Variants in MTA3 observed in about 807,000 individuals in gnomAD.
MTA3 encodes the protein metastasis-associated protein MTA3.
MTA3 carries 34 observed loss-of-function variants against 83.5 expected under a neutral mutation model. The observed-to-expected ratio is 0.41, with a 90% CI of 0.31 to 0.54. The LOEUF (loss-of-function observed/expected upper bound fraction) is 0.54. Among genes scored for constraint, MTA3 ranks in the 20% least tolerant of loss-of-function variants. The probability of loss-of-function intolerance (pLI) is 0.33; values close to 1 mark genes in which losing one functional copy is unlikely to be tolerated. For synonymous variants in MTA3, 303 were observed against 252.7 expected (o/e 1.20, Z -1.89); for missense variants, 761 against 726.4 (o/e 1.05, Z -0.55).
chr2:42,604,709 T>C (rs1486163056), intron 3 of MTA3, among the ~76,000 whole-genome samples: 1 of 142,342 alleles, frequency 7.0e-6, no homozygotes, highest in Non-Finnish European at 1.5e-5. Context: ...TCTCTGGTTT[T>C]CCTAGGCAGA....
At chr2:42,589,827 C>T (rs1680759553) in intron 3 of MTA3, among the ~76,000 whole-genome samples, 1 of 152,194 alleles carries the variant, frequency 6.6e-6, no homozygotes. Context: ...TTAGAGGCTT[C>T]TCAGAGACCT....
At chr2:42,510,594 T>C (rs9808148) in intron 2 of MTA3, among the ~76,000 whole-genome samples, 70,803 of 152,068 alleles carry the variant, frequency 0.47, 17,031 homozygotes, top group African/African-American at 0.57. Context: ...GACACTGTCA[T>C]GAAACAAAAG....
chr2:42,701,770 G>C lies in MTA3; in HGVS notation c.1026-2424G>C, dbSNP rs1665581637. Among the ~76,000 whole-genome samples the C allele has an allele frequency of 2.6e-5, 4 of 150,996 alleles. No homozygotes were observed. In the Admixed American group the frequency reaches 2.7e-4, roughly 10 times the overall value. On this transcript the variant is annotated intron_variant, in intron 11 of 16. Transcript: ENST00000405094. Reference sequence around the variant, plus strand: ...GTCTCTACTAAAAATACAAAAATTAGCTGGGTATGGTGGCGGGAGCCTGTA... The same window carrying C: ...GTCTCTACTAAAAATACAAAAATTACCTGGGTATGGTGGCGGGAGCCTGTA...
At chr2:42,695,909 TTTGG>T in intron 10 of MTA3, 70 bp downstream of exon 10, 1 of 1,052,250 alleles carries the variant, frequency 9.5e-7, no homozygotes, top group South Asian at 1.6e-5. Flanking sequence ...TTTAATATTT[TTTGG>T]CGATGTACTA....
At chr2:42,499,617 C>T (rs1208629279) in intron 2 of MTA3, among the ~76,000 whole-genome samples, 1 of 150,910 alleles carries the variant, frequency 6.6e-6, no homozygotes, top group African/African-American at 2.4e-5. Context: ...TGGAGAAACC[C>T]CGTCTCTACT....
At chr2:42,641,867 A>T (rs1225422918) in intron 5 of MTA3, among the ~76,000 whole-genome samples, 2 of 145,198 alleles carry the variant, frequency 1.4e-5, no homozygotes, top group African/African-American at 5.0e-5. Flanking sequence ...ACCTTGTCTT[A>T]AAAAAAAAAA....
rs386390061 is a variant in MTA3, at chr2:42,517,864, C to CAA, written c.-141+22626_-141+22627dup. Among the ~76,000 whole-genome samples the CAA allele has an allele frequency of 2.2e-3, 208 of 95,258 alleles. 3 individuals are homozygous for CAA. Among genetic ancestry groups the CAA allele is most frequent in the African/African-American group, 4.5e-3 (114 of 25,104 alleles). The allele number at this position is 95,258 out of a possible 152,430, so 62.5% of individuals were successfully genotyped here. A position where few individuals can be genotyped will look rare whatever the true frequency, so the allele number is the denominator to read the frequency against. On this transcript the variant is annotated intron_variant, in intron 2 of 17. Transcript: ENST00000405592. ...ACTGCACTCCAGTGAGACTCTGTCT[C>CAA]AAAAAAAAAAAAAAAAAGAAGAAAA...
chr2:42,529,833 G>A (rs987269556), intron 2 of MTA3, among the ~76,000 whole-genome samples: 4 of 152,122 alleles, frequency 2.6e-5, no homozygotes, highest in Non-Finnish European at 5.9e-5. Flanking sequence ...AAGGTTTAAC[G>A]GCACTCCATA....
chr2:42,647,048 C>T (rs1289496852), intron 6 of MTA3, among the ~76,000 whole-genome samples: 5 of 147,284 alleles, frequency 3.4e-5, no homozygotes, highest in Admixed American at 1.4e-4. Flanking sequence ...CCCAGCTACT[C>T]GGGAGGCTGA....
chr2:42,579,183 T>C lies in MTA3; in HGVS notation c.173T>C (p.Leu58Pro). 1 of 1,598,896 alleles carries C rather than the reference T, an allele frequency of 6.3e-7. No individual in the cohort carries two copies. Among genetic ancestry groups the C allele is most frequent in the Non-Finnish European group, 8.5e-7 (1 of 1,173,606 alleles). The change falls in exon 3 of 17, where the codon CTC becomes CCC. Residue 58 changes from leucine to proline, a missense_variant. Coordinates refer to ENST00000405094, the MANE Select transcript of MTA3 (RefSeq NM_001330442.2). ...RRDISNTLIMLADKHAKEIEE... is the reference protein window; with the variant it reads ...RRDISNTLIMPADKHAKEIEE... ...GATATTTCCAACACACTTATAATGC[T>C]CGCAGATAAGCATGCTAGTAAGTTG... is the stretch of plus-strand genomic sequence containing the variant.
chr2:42,564,951 T>C (rs1038284515), upstream of MTA3, among the ~76,000 whole-genome samples: 6 of 152,226 alleles, frequency 3.9e-5, no homozygotes, highest in Middle Eastern at 6.8e-3. Context: ...TAATTTTTTG[T>C]ATTTTTAGTA....
At chr2:42,611,463 C>T (rs1004781960) in intron 4 of MTA3, among the ~76,000 whole-genome samples, 3 of 152,156 alleles carry the variant, frequency 2.0e-5, no homozygotes, top group East Asian at 3.9e-4. Flanking sequence ...TCTTTGTCTC[C>T]AAATCTTGTC....
intron 4 of MTA3, among the ~76,000 whole-genome samples, chr2:42,618,264 A>G (rs1685143315): frequency 6.6e-6 from 1 of 151,996 alleles, no homozygotes; most frequent in African/African-American, 2.4e-5. Context: ...TCCCTTTCCT[A>G]GTAGTAAAAA....
At chr2:42,707,304 C>T (rs1037775390) in intron 12 of MTA3, among the ~76,000 whole-genome samples, 2 of 151,306 alleles carry the variant, frequency 1.3e-5, no homozygotes, top group African/African-American at 2.4e-5. Flanking sequence ...AGTGCAGTGG[C>T]GTGATCTCAG....
chr2:42,682,668 T>G, intron 9 of MTA3, 79 bp downstream of exon 9: 1 of 1,292,404 alleles, frequency 7.7e-7, no homozygotes, highest in Non-Finnish European at 1.1e-6. Flanking sequence ...CCTTACAGTA[T>G]TCATTTAGCA....
At chr2:42,646,962 C>T (rs1688252573) in intron 6 of MTA3, among the ~76,000 whole-genome samples, 1 of 151,594 alleles carries the variant, frequency 6.6e-6, no homozygotes, top group Non-Finnish European at 1.5e-5. Flanking sequence ...CGAGACCATC[C>T]TGGCTAACAT....
intron 16 of MTA3, among the ~76,000 whole-genome samples, chr2:42,745,435 C>T (rs1440620931): frequency 6.6e-6 from 1 of 152,212 alleles, no homozygotes; most frequent in African/African-American, 2.4e-5. Flanking sequence ...ATTGTTTGGA[C>T]CTCCTGGACT....
At chr2:42,527,434 C>G (rs1438493746) in intron 2 of MTA3, among the ~76,000 whole-genome samples, 1 of 152,178 alleles carries the variant, frequency 6.6e-6, no homozygotes, top group African/African-American at 2.4e-5. Context: ...GGTTTGCAAA[C>G]TGTCCACTGC....
At chr2:42,554,152 T>G (rs1216156137) in intron 2 of MTA3, among the ~76,000 whole-genome samples, 1 of 150,738 alleles carries the variant, frequency 6.6e-6, no homozygotes, top group East Asian at 2.0e-4. Context: ...GGGAATCGCT[T>G]GAATGCAGGA....
Sources: allele counts gnomAD v4.1 joint callset (sites outside exome capture counted in the v4.1 genomes callset), GRCh38; gene constraint gnomAD v4.1.1; transcripts MANE v1.5; gene names NCBI Gene and HGNC (gene_info 2026-07-23, HGNC 2026-07-21).